Variants in NCKAP5 observed in about 807,000 individuals in gnomAD.
The protein encoded by NCKAP5 is NCK associated protein 5.
In NCKAP5, 92 loss-of-function variants were observed where a neutral mutation model predicts 167.0. The ratio of observed to expected loss-of-function variants is 0.55; its 90% confidence interval spans 0.47 to 0.66. NCKAP5 has a LOEUF of 0.66. Among genes scored for constraint, NCKAP5 ranks in the 30% least tolerant of loss-of-function variants. NCKAP5 has a pLI of 0.00. For missense variants in NCKAP5, 2,378 were observed against 2,315.0 expected (o/e 1.03, Z -0.56); for synonymous variants, 891 against 877.4 (o/e 1.02, Z -0.27).
At chr2:133,254,036 A>G (rs2088490830) in intron 4 of NCKAP5, among the ~76,000 whole-genome samples, 1 of 152,200 alleles carries the variant, frequency 6.6e-6, no homozygotes, top group Non-Finnish European at 1.5e-5. Context: ...CCTGGGAAAC[A>G]TGCCTAAAAA....
intron 5 of NCKAP5, among the ~76,000 whole-genome samples, chr2:133,213,131 A>G (rs1327582277): frequency 6.6e-6 from 1 of 152,196 alleles, no homozygotes; most frequent in African/African-American, 2.4e-5. Context: ...AGAGGCACAG[A>G]GGCAGATACT....
At chr2:133,027,141 C>T (rs115532958) in intron 6 of NCKAP5, among the ~76,000 whole-genome samples, 1 of 152,144 alleles carries the variant, frequency 6.6e-6, no homozygotes, top group Non-Finnish European at 1.5e-5. Context: ...TACCTACTTC[C>T]CCCATGACCT....
the NCKAP5 span, among the ~76,000 whole-genome samples, chr2:133,632,360 GA>G: frequency 6.6e-6 from 1 of 152,294 alleles, no homozygotes; most frequent in Admixed American, 6.5e-5. Context: ...AATTAGAAAA[GA>G]AAAAGCCCCA....
chr2:133,011,959 C>T (rs921841486), intron 6 of NCKAP5, among the ~76,000 whole-genome samples: 1 of 152,078 alleles, frequency 6.6e-6, no homozygotes, highest in Non-Finnish European at 1.5e-5. Context: ...CCCTTGCTTC[C>T]ATTCTCTCTT....
At chr2:133,175,594 A>T (rs2084425765) in intron 5 of NCKAP5, among the ~76,000 whole-genome samples, 1 of 152,164 alleles carries the variant, frequency 6.6e-6, no homozygotes, top group African/African-American at 2.4e-5. Flanking sequence ...GAATTGCTTT[A>T]ATATCTGTAC....
At chr2:133,286,048 T>C (rs926242196) in intron 4 of NCKAP5, among the ~76,000 whole-genome samples, 2 of 150,852 alleles carry the variant, frequency 1.3e-5, no homozygotes, top group Non-Finnish European at 2.9e-5. Flanking sequence ...CAGGCTGGAG[T>C]GCAGTGGCAC....
chr2:133,086,648 T>C (rs1186154027), intron 6 of NCKAP5, among the ~76,000 whole-genome samples: 1 of 152,002 alleles, frequency 6.6e-6, no homozygotes, highest in Non-Finnish European at 1.5e-5. Context: ...TCTCTAAAAT[T>C]ATAAATAAAA....
chr2:133,500,503 T>C (rs11904353), intron 3 of NCKAP5, among the ~76,000 whole-genome samples: 3,012 of 152,252 alleles, frequency 0.02, 112 homozygotes, highest in African/African-American at 0.067. Context: ...TGGCAATAAT[T>C]AATCTCAAAT....
intron 2 of NCKAP5, among the ~76,000 whole-genome samples, chr2:133,553,104 C>T (rs907475286): frequency 3.3e-5 from 5 of 152,024 alleles, no homozygotes; most frequent in African/African-American, 1.2e-4. Flanking sequence ...CACACAAAAA[C>T]CAAATGATAA....
rs145702280 is a variant in NCKAP5 at position 133,388,204 on chromosome 2, G to A, written c.70-85094C>T. Among the ~76,000 whole-genome samples, 423 of 152,234 alleles carry A rather than the reference G, an allele frequency of 2.8e-3. 1 individual carries two copies. The highest frequency in any genetic ancestry group is 9.7e-3 in the African/African-American group (404 of 41,544). ...ACCTTTGGTCTTTGATGATGGTGAC[G>A]TACAGATGGGGCTTTGGTGTGGATG... On this transcript the variant is annotated intron_variant, in intron 3 of 19. Transcript: ENST00000409261.
chr2:132,722,015 A>C (rs1227522653), intron 19 of NCKAP5, among the ~76,000 whole-genome samples: 1 of 152,216 alleles, frequency 6.6e-6, no homozygotes, highest in African/African-American at 2.4e-5. Flanking sequence ...TTGACAGAGA[A>C]AAATATTCAG....
the NCKAP5 span, among the ~76,000 whole-genome samples, chr2:133,616,617 C>T: frequency 7.9e-5 from 12 of 152,072 alleles, no homozygotes; most frequent in Admixed American, 5.9e-4. Context: ...AGTTGAATCT[C>T]TGAATAGACC....
At chr2:133,470,474 G>A (rs980959919) in intron 3 of NCKAP5, among the ~76,000 whole-genome samples, 10 of 152,338 alleles carry the variant, frequency 6.6e-5, no homozygotes, top group Non-Finnish European at 1.3e-4. Context: ...GTTTGTCTGT[G>A]CCCTGCCCCC....
intron 6 of NCKAP5, among the ~76,000 whole-genome samples, chr2:133,084,144 A>G (rs34782758): frequency 0.24 from 36,291 of 152,036 alleles, 4,939 homozygotes; most frequent in Non-Finnish European, 0.31. Context: ...GAACTCACAC[A>G]TTATCCAGGG....
At chr2:133,635,852 A>G in the NCKAP5 span, among the ~76,000 whole-genome samples, 1 of 152,228 alleles carries the variant, frequency 6.6e-6, no homozygotes, top group East Asian at 1.9e-4. Flanking sequence ...GTACTAAGTG[A>G]GCTGCCAGCT....
At chr2:133,011,913 G>A (rs906164912) in intron 6 of NCKAP5, among the ~76,000 whole-genome samples, 13 of 152,080 alleles carry the variant, frequency 8.5e-5, no homozygotes, top group African/African-American at 2.9e-4. Flanking sequence ...AGATGCGGAG[G>A]CCCCTGAGCC....
At chr2:132,989,665 A>G (rs543027483) in intron 7 of NCKAP5, among the ~76,000 whole-genome samples, 56 of 152,310 alleles carry the variant, frequency 3.7e-4, no homozygotes, top group South Asian at 6.2e-4. Context: ...TTGGATTTTT[A>G]AAATATTGAG....
the NCKAP5 span, among the ~76,000 whole-genome samples, chr2:133,593,796 A>C: frequency 1.1e-4 from 16 of 152,320 alleles, 1 homozygote; most frequent in South Asian, 3.3e-3. Context: ...TCTTCTGTGA[A>C]ACAGGATAGA....
intron 5 of NCKAP5, among the ~76,000 whole-genome samples, chr2:133,149,979 C>T (rs139156583): frequency 6.6e-6 from 1 of 152,226 alleles, no homozygotes; most frequent in East Asian, 1.9e-4. Context: ...CACAATCCTC[C>T]AATCAATTGT....
Sources: allele counts gnomAD v4.1 joint callset (sites outside exome capture counted in the v4.1 genomes callset), GRCh38; gene constraint gnomAD v4.1.1; transcripts MANE v1.5; gene names NCBI Gene and HGNC (gene_info 2026-07-23, HGNC 2026-07-21).